The following LUZP2 variants were observed in gnomAD, a reference collection of about 807,000 sequenced individuals.
LUZP2 encodes the protein leucine zipper protein 2.
In LUZP2, 52 loss-of-function variants were observed where a neutral mutation model predicts 51.6. The ratio of observed to expected loss-of-function variants is 1.01; its 90% CI spans 0.81 to 1.27. The LOEUF is 1.27. Among genes scored for constraint, LUZP2 ranks in the 50% most tolerant of loss-of-function variants. The pLI is 0.00. For missense variants in LUZP2, 436 were observed against 395.4 expected (o/e 1.10, Z -0.87); for synonymous variants, 154 against 137.3 (o/e 1.12, Z -0.85).
At position 24,675,789 on chromosome 11, in the gene LUZP2, ATATTTATTTATT is replaced by A. The variant is rs61265735; in HGVS notation, c.63-53346_63-53335del. 3.2e-3 allele frequency among the ~76,000 whole-genome samples: 440 copies of A among 136,818 alleles called. 3 individuals are homozygous for A. Among genetic ancestry groups the A allele is most frequent in the Admixed American group, 4.8e-3 (65 of 13,522 alleles). 89.8% of individuals were successfully genotyped at this position (136,818 alleles called of 152,430 possible). On this transcript the variant is annotated intron_variant, in intron 1 of 11. Coordinates refer to ENST00000336930, the MANE Select transcript of LUZP2 (RefSeq NM_001009909.4). ...ATTAGTTTTCATATTTCTTTTTTTT[ATATTTATTTATT>A]TATTTATTTATTTATTTATTTATTT...
chr11:24,935,877 C>T (rs574196866), intron 7 of LUZP2, among the ~76,000 whole-genome samples: 2 of 152,072 alleles, frequency 1.3e-5, no homozygotes, highest in East Asian at 3.9e-4. Flanking sequence ...TATCTTTTAT[C>T]CTAATGGTGA....
intron 5 of LUZP2, among the ~76,000 whole-genome samples, chr11:24,899,040 T>C (rs1461419679): frequency 6.6e-6 from 1 of 152,200 alleles, no homozygotes; most frequent in African/African-American, 2.4e-5. Context: ...CAATTTTCTT[T>C]CACTTTATCT....
intron 7 of LUZP2, among the ~76,000 whole-genome samples, chr11:24,943,127 C>T (rs1054994474): frequency 6.6e-6 from 1 of 152,076 alleles, no homozygotes; most frequent in African/African-American, 2.4e-5. Context: ...TTTGTTCTTG[C>T]AGTTCAGGAC....
intron 7 of LUZP2, among the ~76,000 whole-genome samples, chr11:24,932,807 G>A (rs936282600): frequency 1.3e-5 from 2 of 152,158 alleles, no homozygotes; most frequent in Admixed American, 6.5e-5. Flanking sequence ...TGCACCTTCT[G>A]TTTGCCTCTC....
intron 5 of LUZP2, among the ~76,000 whole-genome samples, chr11:24,801,555 C>T (rs1329464871): frequency 6.6e-6 from 1 of 151,642 alleles, no homozygotes; most frequent in African/African-American, 2.4e-5. Context: ...CAAGGAAACA[C>T]AGTTAATGAA....
intron 9 of LUZP2, among the ~76,000 whole-genome samples, chr11:25,003,677 A>T (rs931171775): frequency 8.0e-4 from 122 of 152,250 alleles, no homozygotes; most frequent in African/African-American, 2.7e-3. Context: ...GATAAGGAAA[A>T]GTGGTGGGAT....
chr11:24,763,024 TAATA>T lies in LUZP2; in HGVS notation c.334-217_334-214del, dbSNP rs1860038850. On this transcript the variant is annotated intron_variant, in intron 4 of 11. Coordinates refer to ENST00000336930, the MANE Select transcript of LUZP2 (RefSeq NM_001009909.4). The stretch of plus-strand genomic sequence containing the variant: ...AGGGTTTCTCAATTTAAAAAAAAAA[TAATA>T]AATAGTTTGTTAAATGAAAAAAGAT... 8.7e-6 allele frequency: 6 copies of T among 686,130 alleles called. No homozygotes were observed. The South Asian group carries it at 3.9e-4, about 45-fold the overall frequency. The allele number at this position is 686,130 out of a possible 1,614,324, so 42.5% of individuals were successfully genotyped here. A position where few individuals can be genotyped will look rare whatever the true frequency, so the allele number is the denominator to read the frequency against.
At position 24,958,555 on chromosome 11, in the gene LUZP2, TG is replaced by T. The variant is rs1855282762; in HGVS notation, c.523-18035del. Among the ~76,000 whole-genome samples, 4 of 152,258 alleles carry T rather than the reference TG, an allele frequency of 2.6e-5. No homozygotes were observed. In the South Asian group the frequency reaches 8.3e-4, roughly 32 times the overall value. On this transcript the variant is annotated intron_variant, in intron 7 of 11. Coordinates refer to ENST00000336930, the MANE Select transcript of LUZP2 (RefSeq NM_001009909.4). ...TTTTGGCTGCATAAATGTCTTCTTT[TG>T]AGAAGTGTCTGTTCATGTCCTTCAC...
intron 5 of LUZP2, among the ~76,000 whole-genome samples, chr11:24,882,881 AAAAG>A (rs1852522620): frequency 2.0e-5 from 3 of 151,618 alleles, no homozygotes; most frequent in African/African-American, 4.8e-5. Flanking sequence ...AAAATAAAGA[AAAAG>A]AAGGAAAGAA....
At chr11:24,795,595 T>C (rs535441016) in intron 5 of LUZP2, among the ~76,000 whole-genome samples, 2 of 152,116 alleles carry the variant, frequency 1.3e-5, no homozygotes, top group Non-Finnish European at 2.9e-5. Context: ...AGTACAAATC[T>C]CACAACTAAA....
intron 1 of LUZP2, among the ~76,000 whole-genome samples, chr11:24,723,585 G>A (rs1456662180): frequency 1.3e-5 from 2 of 152,188 alleles, no homozygotes; most frequent in Non-Finnish European, 2.9e-5. Context: ...CAGCACTTTG[G>A]GAGGCTGAGG....
At position 24,520,151 on chromosome 11, in the gene LUZP2, G is replaced by A. The variant is rs111265433; in HGVS notation, c.62+22846G>A. ...GGGAGAATTTTGAAGATTGACCTGT[G>A]TACCCTTAAAAGGGGAAATCAGGTA... On this transcript the variant is annotated intron_variant, in intron 1 of 11. Transcript: ENST00000336930. Among the ~76,000 whole-genome samples, 308 of 152,218 alleles carry A rather than the reference G, an allele frequency of 2.0e-3. 2 individuals carry two copies. Among genetic ancestry groups the A allele is most frequent in the Middle Eastern group, 6.8e-3 (2 of 294 alleles).
intron 1 of LUZP2, among the ~76,000 whole-genome samples, chr11:24,672,800 T>C (rs531533376): frequency 6.6e-6 from 1 of 152,318 alleles, no homozygotes; most frequent in East Asian, 1.9e-4. Context: ...CATTGCTTTA[T>C]TGAATACTTT....
intron 1 of LUZP2, among the ~76,000 whole-genome samples, chr11:24,665,995 C>T (rs1284894433): frequency 2.8e-4 from 42 of 152,084 alleles, no homozygotes; most frequent in Non-Finnish European, 1.5e-5. Context: ...TTAGACAGAT[C>T]TCTGAGTGTA....
At chr11:24,661,351 T>C (rs757499148) in intron 1 of LUZP2, among the ~76,000 whole-genome samples, 1 of 152,214 alleles carries the variant, frequency 6.6e-6, no homozygotes, top group East Asian at 1.9e-4. Context: ...AATGTTGGCA[T>C]ACAAGGTAGA....
chr11:24,713,530 G>A (rs1399287269), intron 1 of LUZP2, among the ~76,000 whole-genome samples: 3 of 151,586 alleles, frequency 2.0e-5, no homozygotes, highest in African/African-American at 7.3e-5. Flanking sequence ...CAGAAATATG[G>A]CAAAAAATAG....
chr11:24,886,475 A>G (rs2134309375), intron 5 of LUZP2, among the ~76,000 whole-genome samples: 1 of 152,200 alleles, frequency 6.6e-6, no homozygotes, highest in Non-Finnish European at 1.5e-5. Context: ...TGTGTTTCTC[A>G]TTTTTCCCCT....
intron 1 of LUZP2, 45 bp from the exon 2 acceptor site, chr11:24,729,124 G>A (rs1270978625): frequency 2.0e-6 from 2 of 996,460 alleles, no homozygotes; most frequent in East Asian, 5.6e-5. Flanking sequence ...CTGATGCCAA[G>A]TGGAACCATT....
intron 5 of LUZP2, among the ~76,000 whole-genome samples, chr11:24,826,030 G>T (rs1036208933): frequency 6.6e-6 from 1 of 151,218 alleles, no homozygotes; most frequent in South Asian, 2.1e-4. Context: ...AAAATTAGCT[G>T]GGCGCGGTGG....
Sources: gnomAD v4.1 joint callset for allele counts (sites outside exome capture counted in the v4.1 genomes callset) on GRCh38, gnomAD v4.1.1 for gene constraint, MANE v1.5 for transcripts, NCBI Gene and HGNC (gene_info 2026-07-23, HGNC 2026-07-21) for gene names.